The following IST1 variants were observed in gnomAD, a reference collection of about 807,000 sequenced individuals.
The protein encoded by IST1 is IST1 factor associated with ESCRT-III.
Under a neutral mutation model 37.0 loss-of-function variants are expected in IST1, and 23 were observed. The observed-to-expected ratio is 0.62, with a 90% CI of 0.45 to 0.88. The LOEUF (loss-of-function observed/expected upper bound fraction) is 0.88. Ranked by LOEUF, IST1 falls within the 40% of genes least tolerant of loss-of-function variation. IST1 has a pLI of 0.00. For synonymous variants in IST1, 180 were observed against 161.7 expected (o/e 1.11, Z -0.86); for missense variants, 488 against 445.4 (o/e 1.10, Z -0.86).
chr16:71,898,357 ACTCT>A (rs1233364266), intron 1 of IST1, among the ~76,000 whole-genome samples: 2 of 112,518 alleles, frequency 1.8e-5, no homozygotes, highest in Non-Finnish European at 3.5e-5. Context: ...TGACAGAGAC[ACTCT>A]CTCTCTCAGA....
chr16:71,913,875 C>G (rs1205408772), intron 1 of IST1, among the ~76,000 whole-genome samples: 3 of 152,110 alleles, frequency 2.0e-5, no homozygotes, highest in African/African-American at 7.2e-5. Flanking sequence ...ATGGTGTGAT[C>G]TCAGCTCACT....
chr16:71,901,208 T>C (rs1387382523), intron 1 of IST1, among the ~76,000 whole-genome samples: 1 of 152,106 alleles, frequency 6.6e-6, no homozygotes, highest in Non-Finnish European at 1.5e-5. Flanking sequence ...TAAGTCAGTC[T>C]TTTGGTTTTT....
intron 8 of IST1, chr16:71,924,303 C>A: frequency 2.5e-6 from 1 of 404,596 alleles, no homozygotes; most frequent in Non-Finnish European, 4.9e-6. Context: ...TTTTTCTCTG[C>A]TTGGCAGTTA....
intron 9 of IST1, 61 bp downstream of exon 9, chr16:71,924,878 T>TTATTGTTCCTCCCTTAGAGACTGTTTC: frequency 8.7e-7 from 1 of 1,153,286 alleles, no homozygotes; most frequent in Non-Finnish European, 1.3e-6. Context: ...TGTTTTCTCA[T>TTATTGTTCCTCCCTTAGAGACTGTTTC]TATTGTTCCT....
At chr16:71,899,360 C>T (rs1220419487) in intron 1 of IST1, among the ~76,000 whole-genome samples, 1 of 151,942 alleles carries the variant, frequency 6.6e-6, no homozygotes, top group African/African-American at 2.4e-5. Flanking sequence ...GGGAGGATTG[C>T]TGAGCCCAAG....
chr16:71,897,778 T>C (rs1252585416), intron 1 of IST1, among the ~76,000 whole-genome samples: 1 of 151,734 alleles, frequency 6.6e-6, no homozygotes, highest in East Asian at 1.9e-4. Flanking sequence ...AAACCCTGTC[T>C]CTACTAAAAA....
Position 71,929,788 on chromosome 16 carries a change from A to AT in IST1, c.*1978dup, listed in dbSNP as rs2037860928. The AT allele has an allele frequency of 8.7e-7, 1 of 1,143,120 alleles. No homozygotes were observed. The highest frequency in any genetic ancestry group is 1.7e-5 in the South Asian group (1 of 59,066). 70.8% of individuals were successfully genotyped at this position (1,143,120 alleles called of 1,614,324 possible). On this transcript the variant is annotated 3_prime_UTR_variant, in exon 10 of 10. Coordinates refer to ENST00000378799, the MANE Select transcript of IST1 (RefSeq NM_001270975.2). The stretch of plus-strand genomic sequence containing the variant: ...AAAAATTAGTAAATGTAAAGATACT[A>AT]TTTCTTTAATAATTTGCAGTCAGGC...
In IST1 at chr16:71,929,456, ATAT is replaced by A. The variant is rs2037838870; in HGVS notation, c.*1647_*1649del. On this transcript the variant is annotated 3_prime_UTR_variant, in exon 10 of 10. Transcript: ENST00000378799. ...TAACTTACAGAATTAAAAACAAAGT[ATAT>A]TATAATTTTAAAGCTATGCCATGCA... is the stretch of plus-strand genomic sequence containing the variant. 6.1e-6 allele frequency: 8 copies of A among 1,315,330 alleles called. No individual in the cohort carries two copies. The highest frequency in any genetic ancestry group is 8.2e-6 in the Non-Finnish European group (8 of 980,542). 81.5% of individuals were successfully genotyped at this position (1,315,330 alleles called of 1,614,324 possible).
Position 71,929,308 on chromosome 16 carries a change from T to C in IST1, c.*1495T>C, listed in dbSNP as rs1250548777. On this transcript the variant is annotated 3_prime_UTR_variant, in exon 10 of 10. Transcript: ENST00000378799. ...CGCAGCCATCCTGGGCCATGGGTGGTGAGTTCTGTTACTTGCTGCTTGGCA... is the reference window on the plus strand; with the variant it reads ...CGCAGCCATCCTGGGCCATGGGTGGCGAGTTCTGTTACTTGCTGCTTGGCA... 2 of 380,606 alleles carry C rather than the reference T, an allele frequency of 5.3e-6. No individual in the cohort carries two copies. The highest frequency in any genetic ancestry group is 4.1e-5 in the African/African-American group (2 of 48,440). 23.6% of individuals were successfully genotyped at this position (380,606 alleles called of 1,614,324 possible). A position where few individuals can be genotyped will look rare whatever the true frequency, so the allele number is the denominator to read the frequency against.
At position 71,921,370 on chromosome 16, in the gene IST1, C is replaced by A. The variant is rs2037578667; in HGVS notation, c.469C>A (p.Pro157Thr). 1 of 1,612,842 alleles carries A rather than the reference C, an allele frequency of 6.2e-7. No homozygotes were observed. The highest frequency in any genetic ancestry group is 1.7e-5 in the Admixed American group (1 of 59,962). ...AATGCACAAGCTGAGTGTGGAAGCC[C>A]CACCCAAAATCCTGGTGGAGAGATA... ...RLMHKLSVEA[P>T]PKILVERYLI... The change falls in exon 6 of 10, where the codon CCA (proline) becomes ACA (threonine). Residue 157 changes from proline (P) to threonine (T), a missense_variant. Pro to Thr is a conservative substitution (Grantham distance 38). This residue lies in a region of IST1 where 455 missense variants were observed against 386.2 expected (regional missense o/e 1.18). Coordinates refer to ENST00000378799, the MANE Select transcript of IST1 (RefSeq NM_001270975.2).
At position 71,925,924 on chromosome 16, in the gene IST1, A is replaced by T. The variant is rs2037731420; in HGVS notation, c.901+1107A>T. On this transcript the variant is annotated intron_variant, in intron 9 of 9. Transcript: ENST00000378799. ...CTCCAGCCTGGGGGACAAAAGTGAG[A>T]CCCTGTCTTAAAAAACAAAAATTAA... Among the ~76,000 whole-genome samples, 3 of 150,614 alleles carry T rather than the reference A, an allele frequency of 2.0e-5. No homozygotes were observed. The South Asian group carries it at 6.3e-4, about 32-fold the overall frequency.
Position 71,914,261 on chromosome 16 carries a change from C to T in IST1, c.-15-1365C>T, listed in dbSNP as rs920469451. On this transcript the variant is annotated intron_variant, in intron 1 of 9. Coordinates refer to ENST00000378799, the MANE Select transcript of IST1 (RefSeq NM_001270975.2). Reference sequence around the variant, plus strand: ...GCAACCTCCACCTCCCGGGTTCAAGCGATTCTCCTGTCTCAGTCTCCCGAG... The same window carrying T: ...GCAACCTCCACCTCCCGGGTTCAAGTGATTCTCCTGTCTCAGTCTCCCGAG... Among the ~76,000 whole-genome samples, 14 of 151,060 alleles carry T rather than the reference C, an allele frequency of 9.3e-5. 1 individual carries two copies. Among genetic ancestry groups the T allele is most frequent in the Admixed American group, 4.0e-4 (6 of 15,154 alleles).
Position 71,931,141 on chromosome 16 carries a change from A to C in IST1, c.*3328A>C, listed in dbSNP as rs368955670. 2 of 152,112 alleles carry C rather than the reference A, an allele frequency of 1.3e-5. No homozygotes were observed. Among genetic ancestry groups the C allele is most frequent in the African/African-American group, 4.8e-5 (2 of 41,404 alleles). The allele number at this position is 152,112 out of a possible 1,614,324, so 9.4% of individuals were successfully genotyped here. On this transcript the variant is annotated 3_prime_UTR_variant, in exon 10 of 10. Coordinates refer to ENST00000378799, the MANE Select transcript of IST1 (RefSeq NM_001270975.2). Reference sequence around the variant, plus strand: ...TTATGTTTACTGTATTTTTATGTACAATTACATCCAAAGCAGAAAAGTTCC... The same window carrying C: ...TTATGTTTACTGTATTTTTATGTACCATTACATCCAAAGCAGAAAAGTTCC...
chr16:71,899,349 C>T (rs1405611298), intron 1 of IST1, among the ~76,000 whole-genome samples: 3 of 151,788 alleles, frequency 2.0e-5, no homozygotes, highest in East Asian at 3.9e-4. Flanking sequence ...GAGGTTGAGG[C>T]GGGAGGATTG....
At position 71,928,791 on chromosome 16, in the gene IST1, A is replaced by T. The variant is rs982551113; in HGVS notation, c.*978A>T. 3 of 152,228 alleles carry T rather than the reference A, an allele frequency of 2.0e-5. No homozygotes were observed. The highest frequency in any genetic ancestry group is 7.2e-5 in the African/African-American group (3 of 41,464). 9.4% of individuals were successfully genotyped at this position (152,228 alleles called of 1,614,324 possible). On this transcript the variant is annotated 3_prime_UTR_variant, in exon 10 of 10. Transcript: ENST00000378799. Reference sequence around the variant, plus strand: ...CTGTAGTTGTTCACTGCTTTCCTGGATGGATGGGACTCTTATGTCATAACT... The same window carrying T: ...CTGTAGTTGTTCACTGCTTTCCTGGTTGGATGGGACTCTTATGTCATAACT...
intron 1 of IST1, among the ~76,000 whole-genome samples, chr16:71,898,504 T>C (rs2037028646): frequency 6.7e-6 from 1 of 148,166 alleles, no homozygotes; most frequent in East Asian, 2.0e-4. Flanking sequence ...GCCAACATGG[T>C]GAAACCCCCT....
chr16:71,930,225 GTTTATAC>G lies in IST1; in HGVS notation c.*2417_*2423del. 4 of 1,501,374 alleles carry G rather than the reference GTTTATAC, an allele frequency of 2.7e-6. No homozygotes were observed. The highest frequency in any genetic ancestry group is 3.6e-6 in the Non-Finnish European group (4 of 1,121,806). 93.0% of individuals were successfully genotyped at this position (1,501,374 alleles called of 1,614,324 possible). On this transcript the variant is annotated 3_prime_UTR_variant, in exon 10 of 10. Transcript: ENST00000378799. ...AACACTTGCAGTGACTGACAATTTAGTTTATACTTTACAAACATAAGCTATATGCTAG... is the reference window on the plus strand; with the variant it reads ...AACACTTGCAGTGACTGACAATTTAGTTTACAAACATAAGCTATATGCTAG...
intron 1 of IST1, among the ~76,000 whole-genome samples, chr16:71,914,379 C>T (rs1206374775): frequency 3.3e-5 from 5 of 151,766 alleles, no homozygotes; most frequent in African/African-American, 1.2e-4. Context: ...CCAGGATGGT[C>T]TCCATCTCCT....
At chr16:71,908,906 A>G (rs1033848686) in intron 1 of IST1, among the ~76,000 whole-genome samples, 27 of 152,096 alleles carry the variant, frequency 1.8e-4, no homozygotes, top group African/African-American at 6.3e-4. Flanking sequence ...CATAGTTCTC[A>G]GATAGCTGCT....
Sources: gnomAD v4.1 joint callset for allele counts (sites outside exome capture counted in the v4.1 genomes callset) on GRCh38, gnomAD v4.1.1 for gene constraint, gnomAD v4.1.1 regional missense constraint, MANE v1.5 for transcripts, NCBI Gene and HGNC (gene_info 2026-07-23, HGNC 2026-07-21) for gene names.